Variants in ERC2 observed in about 807,000 individuals in gnomAD.
The protein encoded by ERC2 is ELKS/RAB6-interacting/CAST family member 2.
Under a neutral mutation model 114.8 loss-of-function variants are expected in ERC2, and 42 were observed. The ratio of observed to expected loss-of-function variants is 0.37; its 90% CI spans 0.29 to 0.47. ERC2 has a LOEUF of 0.47. Ranked by LOEUF, ERC2 falls within the 20% of genes least tolerant of loss-of-function variation. The pLI is 0.99. For synonymous variants in ERC2, 454 were observed against 425.5 expected (o/e 1.07, Z -0.82); for missense variants, 939 against 1,150.7 (o/e 0.82, Z 2.66).
intron 3 of ERC2, among the ~76,000 whole-genome samples, chr3:56,276,345 T>C (rs1056287974): frequency 2.0e-4 from 30 of 151,746 alleles, no homozygotes; most frequent in African/African-American, 4.1e-4. Context: ...TTAGCAAGGA[T>C]CACATGAAAC....
At chr3:55,634,378 T>C (rs575179695) in intron 17 of ERC2, among the ~76,000 whole-genome samples, 1 of 152,350 alleles carries the variant, frequency 6.6e-6, no homozygotes, top group African/African-American at 2.4e-5. Context: ...GCCTGCTCTA[T>C]TTCTACGATC....
Position 55,799,412 on chromosome 3 carries a change from T to TTA in ERC2, c.2565-64496_2565-64495dup, listed in dbSNP as rs1187385635. Among the ~76,000 whole-genome samples the TTA allele has an allele frequency of 3.4e-3, 365 of 107,026 alleles. 3 individuals carry two copies. Among genetic ancestry groups the TTA allele is most frequent in the African/African-American group, 0.017 (336 of 19,590 alleles). The allele number at this position is 107,026 out of a possible 152,430, so 70.2% of individuals were successfully genotyped here. On this transcript the variant is annotated intron_variant, in intron 14 of 17. Transcript: ENST00000288221. ...ATATATATGCATATATATATATGCC[T>TTA]TATATATATGCATATATATATGCCT...
chr3:56,039,849 T>C (rs1378197030), intron 7 of ERC2, among the ~76,000 whole-genome samples: 1 of 152,200 alleles, frequency 6.6e-6, no homozygotes, highest in Non-Finnish European at 1.5e-5. Flanking sequence ...CATGCACTTG[T>C]AGTCAATTTT....
chr3:55,858,154 A>G (rs2149256716), intron 14 of ERC2, among the ~76,000 whole-genome samples: 1 of 152,302 alleles, frequency 6.6e-6, no homozygotes, highest in Non-Finnish European at 1.5e-5. Context: ...TAAAAAGGAG[A>G]CATACGCTAC....
At chr3:56,013,207 A>C (rs1378944619) in intron 8 of ERC2, among the ~76,000 whole-genome samples, 1 of 152,186 alleles carries the variant, frequency 6.6e-6, no homozygotes, top group Non-Finnish European at 1.5e-5. Flanking sequence ...AAAAGGAATA[A>C]CATACTCCCT....
intron 2 of ERC2, among the ~76,000 whole-genome samples, chr3:56,413,938 A>T (rs1378313525): frequency 1.3e-5 from 2 of 152,164 alleles, no homozygotes; most frequent in African/African-American, 2.4e-5. Context: ...GATCACTTCT[A>T]CCCCAATATA....
intron 14 of ERC2, among the ~76,000 whole-genome samples, chr3:55,803,638 T>C (rs997786156): frequency 6.6e-6 from 1 of 152,038 alleles, no homozygotes; most frequent in South Asian, 2.1e-4. Context: ...TATTTCTTAA[T>C]TCAGAATGAA....
At chr3:55,922,519 C>T (rs1388623441) in intron 13 of ERC2, among the ~76,000 whole-genome samples, 1 of 152,064 alleles carries the variant, frequency 6.6e-6, no homozygotes, top group East Asian at 1.9e-4. Flanking sequence ...CATCAAACAG[C>T]TCTTCTCCCC....
intron 1 of ERC2, among the ~76,000 whole-genome samples, chr3:56,458,445 G>C (rs1230986817): frequency 6.6e-6 from 1 of 152,156 alleles, no homozygotes; most frequent in Non-Finnish European, 1.5e-5. Flanking sequence ...TGAATTCAAG[G>C]TGGCCCATGA....
chr3:55,688,313 T>C (rs997462673), intron 16 of ERC2, among the ~76,000 whole-genome samples: 4 of 152,114 alleles, frequency 2.6e-5, no homozygotes, highest in African/African-American at 9.7e-5. Context: ...CAAGGCCCAG[T>C]GACACAGGTG....
chr3:55,699,355 A>G (rs753747765), intron 16 of ERC2, 23 bp downstream of exon 16: 1 of 1,613,248 alleles, frequency 6.2e-7, no homozygotes, highest in South Asian at 1.1e-5. Context: ...GGGGTCTTGG[A>G]GGTAAGCAGC....
intron 6 of ERC2, among the ~76,000 whole-genome samples, chr3:56,135,144 G>A (rs764142433): frequency 1.4e-4 from 22 of 151,822 alleles, no homozygotes; most frequent in Middle Eastern, 3.4e-3. Context: ...GTAGAGATAG[G>A]GTTTCACAAT....
intron 2 of ERC2, among the ~76,000 whole-genome samples, chr3:56,324,790 T>C (rs1454456862): frequency 6.6e-6 from 1 of 152,044 alleles, no homozygotes; most frequent in Admixed American, 6.5e-5. Context: ...AGACCTCATT[T>C]CCTCTGGCTC....
chr3:55,968,747 G>A (rs1214920381), intron 12 of ERC2, among the ~76,000 whole-genome samples: 5 of 152,160 alleles, frequency 3.3e-5, no homozygotes, highest in African/African-American at 9.7e-5. Flanking sequence ...AATAATGAGA[G>A]ATATGTGCTA....
chr3:55,659,503 A>C, intron 17 of ERC2: 1 of 147,452 alleles, frequency 6.8e-6, no homozygotes, highest in Non-Finnish European at 1.5e-5. Flanking sequence ...TCTACCCCCT[A>C]CCACCTCTCT....
intron 14 of ERC2, among the ~76,000 whole-genome samples, chr3:55,868,796 A>G (rs2062440177): frequency 6.6e-6 from 1 of 152,178 alleles, no homozygotes; most frequent in South Asian, 2.1e-4. Flanking sequence ...AAATCGTATT[A>G]TTTCAAGTAT....
intron 7 of ERC2, among the ~76,000 whole-genome samples, chr3:56,041,656 C>T (rs1236237706): frequency 6.6e-6 from 1 of 152,118 alleles, no homozygotes; most frequent in Non-Finnish European, 1.5e-5. Flanking sequence ...TCCACCAATT[C>T]TTGCTGGCAA....
At chr3:55,594,088 C>G (rs2058027253) in intron 17 of ERC2, among the ~76,000 whole-genome samples, 1 of 152,188 alleles carries the variant, frequency 6.6e-6, no homozygotes, top group African/African-American at 2.4e-5. Flanking sequence ...TGACACAACA[C>G]TCAGATTTTT....
intron 7 of ERC2, among the ~76,000 whole-genome samples, chr3:56,025,365 C>A (rs2073974490): frequency 6.6e-6 from 1 of 152,166 alleles, no homozygotes; most frequent in Admixed American, 6.5e-5. Flanking sequence ...ATTGGTTTTT[C>A]TGCTGAGGGT....
Sources: gnomAD v4.1 joint callset for allele counts (sites outside exome capture counted in the v4.1 genomes callset) on GRCh38, gnomAD v4.1.1 for gene constraint, MANE v1.5 for transcripts, NCBI Gene and HGNC (gene_info 2026-07-23, HGNC 2026-07-21) for gene names.